STK32C: variants seen among roughly 807,000 people sequenced by gnomAD.
STK32C encodes serine/threonine-protein kinase 32C.
Under a neutral mutation model 56.5 loss-of-function variants are expected in STK32C, and 31 were observed. The ratio of observed to expected loss-of-function variants is 0.55; its 90% confidence interval spans 0.41 to 0.74. The LOEUF is 0.74. Among genes scored for constraint, STK32C ranks in the 30% least tolerant of loss-of-function variants. STK32C has a pLI of 0.00. For missense variants in STK32C, 544 were observed against 676.9 expected, an observed-to-expected ratio of 0.80 and a Z score of 2.18; for synonymous variants, 309 against 289.4, an observed-to-expected ratio of 1.07 and a Z score of -0.69.
At chr10:132,227,559 G>A (rs2062933865) in intron 3 of STK32C, among the ~76,000 whole-genome samples, 1 of 151,992 alleles carries the variant, frequency 6.6e-6, no homozygotes, top group Admixed American at 6.6e-5. Flanking sequence ...TTATAGTGAT[G>A]ACGGTGATGA....
chr10:132,221,845 G>A (rs990886749), intron 10 of STK32C, among the ~76,000 whole-genome samples: 1 of 115,180 alleles, frequency 8.7e-6, no homozygotes, highest in African/African-American at 2.8e-5. Context: ...ACCTGGGTGA[G>A]TGTGAGGGCT....
chr10:132,328,242 A>T (rs1161515595), intron 1 of STK32C, among the ~76,000 whole-genome samples: 1 of 152,016 alleles, frequency 6.6e-6, no homozygotes, highest in African/African-American at 2.4e-5. Flanking sequence ...AGGAGTGCTG[A>T]TTGGTCAGGT....
intron 2 of STK32C, among the ~76,000 whole-genome samples, chr10:132,240,380 G>A (rs1320114978): frequency 6.6e-6 from 1 of 152,224 alleles, no homozygotes; most frequent in Non-Finnish European, 1.5e-5. Context: ...CCGCTGGCGG[G>A]TTGCCATAGC....
chr10:132,249,114 C>G, intron 1 of STK32C: 1 of 465,236 alleles, frequency 2.1e-6, no homozygotes, highest in Non-Finnish European at 4.3e-6. Flanking sequence ...CGCATGCGTG[C>G]CGGGGCGGGG....
intron 1 of STK32C, among the ~76,000 whole-genome samples, chr10:132,257,613 G>A (rs1403242994): frequency 1.3e-5 from 2 of 151,788 alleles, no homozygotes; most frequent in Non-Finnish European, 2.9e-5. Context: ...CCCATCTGGT[G>A]CCCACCCCCT....
intron 10 of STK32C, among the ~76,000 whole-genome samples, chr10:132,215,300 T>C (rs2062435940): frequency 6.6e-6 from 1 of 152,146 alleles, no homozygotes; most frequent in Non-Finnish European, 1.5e-5. Context: ...TATGCCTGCC[T>C]AATTTTTTTG....
In STK32C at chr10:132,245,947, C is replaced by A. The variant is rs142282211; in HGVS notation, c.271G>T (p.Asp91Tyr). 3 of 1,613,458 alleles carry A rather than the reference C, an allele frequency of 1.9e-6. No homozygotes were observed. The highest frequency in any genetic ancestry group is 2.5e-6 in the Non-Finnish European group (3 of 1,180,010). ...VFDDKEDVNF[D>Y]HFQILRAIGK... ...ATGGCCCGAAGGATCTGGAAGTGGT[C>A]GAAGTTCACTGCAGGATAAAACAGA... Residue 91 changes from aspartate (D) to tyrosine (Y), a missense_variant, in exon 2 of 12, where the codon GAC (aspartate) becomes TAC (tyrosine). Physicochemically the swap from Asp to Tyr is radical, Grantham distance 160. This residue lies in a region of STK32C where 182 missense variants were observed against 217.7 expected (regional missense o/e 0.84). Coordinates refer to ENST00000298630, the MANE Select transcript of STK32C (RefSeq NM_173575.4).
At chr10:132,291,915 G>A (rs1393102258) in intron 1 of STK32C, among the ~76,000 whole-genome samples, 1 of 152,170 alleles carries the variant, frequency 6.6e-6, no homozygotes, top group African/African-American at 2.4e-5. Flanking sequence ...GAGAGGTGGT[G>A]TGTCTCCCCT....
chr10:132,226,989 C>G, intron 3 of STK32C, 21 bp from the exon 4 acceptor site: 2 of 1,612,354 alleles, frequency 1.2e-6, no homozygotes, highest in Non-Finnish European at 1.7e-6. Context: ...CGATGGAAGG[C>G]CTGTTGTGCG....
At chr10:132,288,291 C>A (rs2497638) in intron 1 of STK32C, among the ~76,000 whole-genome samples, 1 of 152,140 alleles carries the variant, frequency 6.6e-6, no homozygotes, top group African/African-American at 2.4e-5. Context: ...AAGCGCTGGT[C>A]GAAGATTTCT....
At position 132,225,537 on chromosome 10, in the gene STK32C, C is replaced by T. The variant is rs781406652; in HGVS notation, c.762G>A (p.Lys254=). The T allele has an allele frequency of 6.2e-7, 1 of 1,613,858 alleles. No individual in the cohort carries two copies. The highest frequency in any genetic ancestry group is 2.2e-5 in the East Asian group (1 of 44,870). Residue 254 remains lysine, a synonymous_variant, in exon 6 of 12, where the codon AAG becomes AAA. Coordinates refer to ENST00000298630, the MANE Select transcript of STK32C (RefSeq NM_173575.4). ...GERATALAGT[K]PYMAPEIFHS... is the part of the protein sequence containing the mutation. ...CCAGCTCGGGCTCACCCATGTACGG[C>T]TTGGTGCCTGCTAATGCCGTCGCCC...
At chr10:132,271,254 G>A (rs565161066) in intron 1 of STK32C, among the ~76,000 whole-genome samples, 10 of 152,118 alleles carry the variant, frequency 6.6e-5, no homozygotes, top group African/African-American at 1.4e-4. Context: ...CGGCCTCCAC[G>A]TGGCAGTGGC....
chr10:132,262,776 G>A lies in STK32C; in HGVS notation c.263-16821C>T, dbSNP rs566686604. Among the ~76,000 whole-genome samples the A allele has an allele frequency of 5.9e-3, 792 of 134,404 alleles. 8 individuals are homozygous for A. The highest frequency in any genetic ancestry group is 0.02 in the African/African-American group (737 of 37,704). The allele number at this position is 134,404 out of a possible 152,430, so 88.2% of individuals were successfully genotyped here. On this transcript the variant is annotated intron_variant, in intron 1 of 11. Coordinates refer to ENST00000298630, the MANE Select transcript of STK32C (RefSeq NM_173575.4). The stretch of plus-strand genomic sequence containing the variant: ...CTCAAAAAAAAAAAAAAAAAAAACA[G>A]GTAAAATACATGAACAGACACTTTT...
At chr10:132,269,097 G>A (rs528809494) in intron 1 of STK32C, among the ~76,000 whole-genome samples, 27 of 149,836 alleles carry the variant, frequency 1.8e-4, no homozygotes, top group Middle Eastern at 3.7e-3. Context: ...GCCTGCGTGC[G>A]TCACATCGTG....
intron 1 of STK32C, among the ~76,000 whole-genome samples, chr10:132,296,395 C>T (rs2065747918): frequency 6.6e-6 from 1 of 151,972 alleles, no homozygotes; most frequent in Non-Finnish European, 1.5e-5. Context: ...TACGGGTCCT[C>T]TAGTTACGAC....
intron 2 of STK32C, among the ~76,000 whole-genome samples, chr10:132,238,471 C>A (rs887226558): frequency 2.0e-5 from 3 of 152,046 alleles, no homozygotes; most frequent in African/African-American, 4.8e-5. Context: ...GAGGCTTCCT[C>A]GGGAAAAGCA....
chr10:132,322,711 A>G (rs2138467808), downstream of STK32C, among the ~76,000 whole-genome samples: 1 of 152,288 alleles, frequency 6.6e-6, no homozygotes. Context: ...ACCACCCAGC[A>G]GGGGGAGGAG....
intron 2 of STK32C, among the ~76,000 whole-genome samples, chr10:132,234,443 G>A (rs1565090538): frequency 6.6e-6 from 1 of 152,200 alleles, no homozygotes; most frequent in South Asian, 2.1e-4. Flanking sequence ...CGCTTTTTCT[G>A]CCTTGCCCTG....
intron 1 of STK32C, among the ~76,000 whole-genome samples, chr10:132,284,698 A>G (rs1356275427): frequency 1.3e-5 from 2 of 151,304 alleles, no homozygotes; most frequent in Non-Finnish European, 2.9e-5. Flanking sequence ...ATCTGCCCAA[A>G]GACCAGGCAT....
Sources: allele counts gnomAD v4.1 joint callset (sites outside exome capture counted in the v4.1 genomes callset), GRCh38; gene constraint gnomAD v4.1.1; regional missense constraint gnomAD v4.1.1; transcripts MANE v1.5; gene names NCBI Gene and HGNC (gene_info 2026-07-23, HGNC 2026-07-21).